ALDH1A2: variants seen among roughly 807,000 people sequenced by gnomAD.
ALDH1A2 encodes retinal dehydrogenase 2.
A neutral mutation model predicts 60.3 loss-of-function variants in ALDH1A2; 27 were observed. The ratio of observed to expected loss-of-function variants is 0.45; its 90% CI spans 0.33 to 0.62. The LOEUF is 0.62. ALDH1A2 is among the 20% of genes least tolerant of loss of function. The probability of loss-of-function intolerance (pLI) is 0.02; values close to 1 mark genes in which losing one functional copy is unlikely to be tolerated. For synonymous variants in ALDH1A2, 289 were observed against 232.4 expected (o/e 1.24, Z -2.21); for missense variants, 581 against 643.8 (o/e 0.90, Z 1.06).
intron 8 of ALDH1A2, 146 bp downstream of exon 8, chr15:57,965,579 T>C (rs1596068185): frequency 2.7e-6 from 2 of 732,488 alleles, no homozygotes; most frequent in South Asian, 3.0e-5. Context: ...TTCCCCATTA[T>C]TAAACCATTT....
chr15:58,053,890 G>A (rs970780080), intron 1 of ALDH1A2, among the ~76,000 whole-genome samples: 4 of 152,142 alleles, frequency 2.6e-5, no homozygotes, highest in Non-Finnish European at 4.4e-5. Flanking sequence ...CAGCCAACAC[G>A]TGTAGTCTTT....
chr15:58,023,315 C>T (rs1012463930), intron 1 of ALDH1A2, among the ~76,000 whole-genome samples: 3 of 152,026 alleles, frequency 2.0e-5, no homozygotes, highest in Non-Finnish European at 4.4e-5. Flanking sequence ...ATAAGCAAAG[C>T]CTTTGTGACA....
intron 4 of ALDH1A2, among the ~76,000 whole-genome samples, chr15:58,009,286 T>C (rs914680740): frequency 1.3e-5 from 2 of 152,024 alleles, no homozygotes; most frequent in Admixed American, 1.3e-4. Context: ...TGGTTAGACA[T>C]GCAGAGTCTC....
chr15:57,967,291 C>T (rs1441004206), intron 7 of ALDH1A2, among the ~76,000 whole-genome samples: 2 of 151,822 alleles, frequency 1.3e-5, no homozygotes, highest in African/African-American at 4.8e-5. Context: ...CTATGTACTT[C>T]AGAATTATAT....
At chr15:58,064,025 G>T (rs909441675) in intron 1 of ALDH1A2, among the ~76,000 whole-genome samples, 5 of 152,132 alleles carry the variant, frequency 3.3e-5, no homozygotes, top group African/African-American at 1.2e-4. Flanking sequence ...TTCTTTCAGA[G>T]GCTGTTAGAA....
chr15:58,036,365 A>G (rs2140549504), intron 1 of ALDH1A2, among the ~76,000 whole-genome samples: 1 of 151,822 alleles, frequency 6.6e-6, no homozygotes, highest in East Asian at 1.9e-4. Context: ...ATAATGACAG[A>G]AAGACACTGG....
chr15:57,999,439 A>G (rs1362617869), intron 4 of ALDH1A2, among the ~76,000 whole-genome samples: 1 of 152,104 alleles, frequency 6.6e-6, no homozygotes, highest in Non-Finnish European at 1.5e-5. Context: ...CATGAAAAAA[A>G]GCTCATCATC....
chr15:58,042,479 A>G (rs1347400733), intron 1 of ALDH1A2, among the ~76,000 whole-genome samples: 5 of 152,016 alleles, frequency 3.3e-5, no homozygotes, highest in Non-Finnish European at 7.4e-5. Flanking sequence ...TTGATATTAC[A>G]TAAGAAGCAA....
At chr15:58,049,997 T>C (rs960757091) in intron 1 of ALDH1A2, among the ~76,000 whole-genome samples, 3 of 151,906 alleles carry the variant, frequency 2.0e-5, no homozygotes, top group Non-Finnish European at 2.9e-5. Flanking sequence ...TGGGTGTGAG[T>C]GTGGGTCTTG....
intron 1 of ALDH1A2, among the ~76,000 whole-genome samples, chr15:58,047,937 T>C (rs1896675149): frequency 6.6e-6 from 1 of 152,062 alleles, no homozygotes; most frequent in African/African-American, 2.4e-5. Flanking sequence ...CTTTGTTCAG[T>C]AAGTGTAATA....
chr15:58,030,586 G>C (rs1896209896), intron 1 of ALDH1A2, among the ~76,000 whole-genome samples: 1 of 152,144 alleles, frequency 6.6e-6, no homozygotes, highest in Non-Finnish European at 1.5e-5. Flanking sequence ...ATTAGGAAAA[G>C]AGGAAGTCAA....
chr15:57,992,688 G>A lies in ALDH1A2; in HGVS notation c.798+17C>T. The A allele has an allele frequency of 6.2e-7, 1 of 1,610,108 alleles. No individual in the cohort carries two copies. Among genetic ancestry groups the A allele is most frequent in the Non-Finnish European group, 8.5e-7 (1 of 1,176,444 alleles). ...TTGCAAGACTGTTCCTCAAGCCCTG[G>A]TTTTTCAGATACCTACCTCAGTAGA... On this transcript the variant is annotated intron_variant, in intron 7 of 12. Coordinates refer to ENST00000249750, the MANE Select transcript of ALDH1A2 (RefSeq NM_003888.4).
chr15:57,965,661 A>C lies in ALDH1A2; in HGVS notation c.901+64T>G. On this transcript the variant is annotated intron_variant, in intron 8 of 12. Coordinates refer to ENST00000249750, the MANE Select transcript of ALDH1A2 (RefSeq NM_003888.4). ...TTTGCTAGTGTCCCATCAAAAGTGGAGATATAAAAGAGAGCACCAAAGGGT... is the reference window on the plus strand; with the variant it reads ...TTTGCTAGTGTCCCATCAAAAGTGGCGATATAAAAGAGAGCACCAAAGGGT... 3.5e-6 allele frequency: 4 copies of C among 1,150,286 alleles called. 1 individual carries two copies. In the South Asian group the frequency reaches 4.9e-5, roughly 14 times the overall value. The allele number at this position is 1,150,286 out of a possible 1,614,324, so 71.3% of individuals were successfully genotyped here.
chr15:58,060,459 ATATC>A (rs767345560), intron 1 of ALDH1A2, among the ~76,000 whole-genome samples: 4,128 of 135,936 alleles, frequency 0.03, 91 homozygotes, highest in East Asian at 0.095. Flanking sequence ...GATGCCACAC[ATATC>A]TTTTTTTTTT....
intron 1 of ALDH1A2, among the ~76,000 whole-genome samples, chr15:58,030,760 A>G (rs1896215067): frequency 6.6e-6 from 1 of 152,202 alleles, no homozygotes; most frequent in South Asian, 2.1e-4. Flanking sequence ...GAGCCAAATC[A>G]TTAGTGAACT....
In ALDH1A2 at chr15:58,010,653, A is replaced by T; in HGVS notation, c.489T>A (p.Pro163=). ...WADKIHGMTI[P]VDGDYFTFTR... ...ACGTACTCAGATTTCACATACCTAC[A>T]GGAATGGTCATCCCATGAATTTTAT... The change falls in exon 4 of 13, where the codon CCT becomes CCA. Residue 163 remains proline (P), a synonymous_variant. Transcript: ENST00000249750. 1 of 1,613,188 alleles carries T rather than the reference A, an allele frequency of 6.2e-7. No individual in the cohort carries two copies. Among genetic ancestry groups the T allele is most frequent in the Non-Finnish European group, 8.5e-7 (1 of 1,179,254 alleles).
chr15:58,059,111 C>T (rs970576806), intron 1 of ALDH1A2, among the ~76,000 whole-genome samples: 17 of 152,102 alleles, frequency 1.1e-4, no homozygotes, highest in African/African-American at 4.1e-4. Flanking sequence ...TAAAGGCAGA[C>T]AGTAGAGAAA....
In ALDH1A2 at chr15:57,960,839, T is replaced by C. The variant is rs752676181; in HGVS notation, c.1415A>G (p.Asn472Ser). 2.5e-6 allele frequency: 4 copies of C among 1,613,774 alleles called. No individual in the cohort carries two copies. The highest frequency in any genetic ancestry group is 2.7e-5 in the African/African-American group (2 of 74,944). ...CTGGGCATTTAAGGCATTGTAACAA[T>C]TGATCCTGAAAGAAGAAAACATAGC... ...SAMQAGTVWI[N>S]CYNALNAQSP... Residue 472 changes from asparagine to serine, a missense_variant, in exon 12 of 13, where the codon AAT (asparagine) becomes AGT (serine). Coordinates refer to ENST00000249750, the MANE Select transcript of ALDH1A2 (RefSeq NM_003888.4).
chr15:58,058,311 G>A (rs1001740712), intron 1 of ALDH1A2, among the ~76,000 whole-genome samples: 45 of 152,006 alleles, frequency 3.0e-4, no homozygotes, highest in African/African-American at 1.0e-3. Flanking sequence ...TGCATATCTC[G>A]TGGGCTTGCT....
Sources: allele counts gnomAD v4.1 joint callset (sites outside exome capture counted in the v4.1 genomes callset), GRCh38; gene constraint gnomAD v4.1.1; transcripts MANE v1.5; gene names NCBI Gene and HGNC (gene_info 2026-07-23, HGNC 2026-07-21).